ARMH4: variants seen among roughly 807,000 people sequenced by gnomAD.
ARMH4 encodes the protein armadillo like helical domain containing 4, also known as armadillo-like helical domain-containing protein 4.
ARMH4 carries 49 observed loss-of-function variants against 61.9 expected under a neutral mutation model. The ratio of observed to expected loss-of-function variants is 0.79; its 90% CI spans 0.63 to 1.00. The LOEUF (loss-of-function observed/expected upper bound fraction) is 1.00, where lower values mean the gene tolerates loss of function less well. ARMH4 is among the 50% of genes least tolerant of loss of function. ARMH4 has a pLI of 0.00. For missense variants in ARMH4, 934 were observed against 930.0 expected, an observed-to-expected ratio of 1.00 and a Z score of -0.06; for synonymous variants, 368 against 341.5, an observed-to-expected ratio of 1.08 and a Z score of -0.85.
At chr14:58,031,426 CA>C (rs1306266455) in intron 5 of ARMH4, among the ~76,000 whole-genome samples, 1 of 152,164 alleles carries the variant, frequency 6.6e-6, no homozygotes, top group East Asian at 1.9e-4. Context: ...GCAATATAAT[CA>C]TGTACATTAT....
At chr14:58,113,227 G>T (rs897759750) in intron 4 of ARMH4, among the ~76,000 whole-genome samples, 1 of 152,126 alleles carries the variant, frequency 6.6e-6, no homozygotes, top group African/African-American at 2.4e-5. Flanking sequence ...ATTATATTGT[G>T]TGCATTTCTT....
intron 4 of ARMH4, among the ~76,000 whole-genome samples, chr14:58,108,464 T>C (rs961543005): frequency 9.8e-5 from 15 of 152,348 alleles, no homozygotes; most frequent in African/African-American, 3.6e-4. Flanking sequence ...AACATCCTTC[T>C]TCCCCTTAAA....
chr14:58,119,274 G>A (rs927964027), intron 4 of ARMH4, among the ~76,000 whole-genome samples: 5 of 152,134 alleles, frequency 3.3e-5, no homozygotes, highest in Admixed American at 6.6e-5. Flanking sequence ...AAACAACTTC[G>A]TGGTTATGAA....
intron 5 of ARMH4, among the ~76,000 whole-genome samples, chr14:58,064,937 C>G (rs528743397): frequency 6.6e-6 from 1 of 152,110 alleles, no homozygotes; most frequent in South Asian, 2.1e-4. Context: ...ACAAGTCAAA[C>G]GATGCCATTG....
chr14:58,085,539 C>T (rs1392585674), intron 5 of ARMH4, among the ~76,000 whole-genome samples: 1 of 152,008 alleles, frequency 6.6e-6, no homozygotes, highest in African/African-American at 2.4e-5. Context: ...TGGATTAGTT[C>T]CAAGTCTCCT....
At chr14:58,099,436 C>A (rs1885879422) in intron 4 of ARMH4, among the ~76,000 whole-genome samples, 1 of 152,142 alleles carries the variant, frequency 6.6e-6, no homozygotes, top group Non-Finnish European at 1.5e-5. Context: ...GAAAGCGTCT[C>A]CAAGGGCCCG....
chr14:58,095,674 A>C (rs1430873598), intron 5 of ARMH4, among the ~76,000 whole-genome samples: 1 of 152,172 alleles, frequency 6.6e-6, no homozygotes, highest in East Asian at 1.9e-4. Context: ...TCCTTCCTAT[A>C]GCATATTACA....
At chr14:58,107,756 T>C (rs1240003697) in intron 4 of ARMH4, among the ~76,000 whole-genome samples, 1 of 92,672 alleles carries the variant, frequency 1.1e-5, no homozygotes, top group Non-Finnish European at 2.1e-5. Context: ...AGAGCAAGAC[T>C]CCATCTCAAA....
At chr14:58,082,479 G>A (rs1885259594) in intron 5 of ARMH4, among the ~76,000 whole-genome samples, 1 of 152,306 alleles carries the variant, frequency 6.6e-6, no homozygotes. Context: ...TTGAAGCTCA[G>A]AGAAGTTAAA....
At chr14:58,093,936 A>T (rs1021624230) in intron 5 of ARMH4, among the ~76,000 whole-genome samples, 1 of 152,208 alleles carries the variant, frequency 6.6e-6, no homozygotes, top group African/African-American at 2.4e-5. Context: ...AGAAATAGTA[A>T]ATAATAAGAA....
chr14:58,113,080 T>C (rs143052680), intron 4 of ARMH4, among the ~76,000 whole-genome samples: 1 of 152,318 alleles, frequency 6.6e-6, no homozygotes, highest in Non-Finnish European at 1.5e-5. Flanking sequence ...ACAACCCATA[T>C]TCTTTTTTAA....
chr14:58,095,713 A>G (rs1242514006), intron 5 of ARMH4, among the ~76,000 whole-genome samples: 3 of 152,182 alleles, frequency 2.0e-5, no homozygotes, highest in Non-Finnish European at 2.9e-5. Context: ...TGTCAACTAC[A>G]ACCTGTATGC....
chr14:58,084,760 G>A (rs192151244), intron 5 of ARMH4, among the ~76,000 whole-genome samples: 3 of 152,280 alleles, frequency 2.0e-5, no homozygotes, highest in Admixed American at 2.0e-4. Flanking sequence ...TAATCTGTTT[G>A]TAAAGTTTAT....
At chr14:58,005,383 T>C (rs1208382939) in intron 6 of ARMH4, among the ~76,000 whole-genome samples, 1 of 152,178 alleles carries the variant, frequency 6.6e-6, no homozygotes, top group African/African-American at 2.4e-5. Flanking sequence ...TTTGGGGATA[T>C]TTCAAATACA....
At chr14:58,065,232 C>A (rs571738363) in intron 5 of ARMH4, among the ~76,000 whole-genome samples, 78 of 152,218 alleles carry the variant, frequency 5.1e-4, no homozygotes, top group Non-Finnish European at 8.4e-4. Flanking sequence ...CAGAGTGAGA[C>A]TCCATCTTAA....
chr14:58,133,422 T>TG, intron 2 of ARMH4, 81 bp from the exon 3 acceptor site: 4 of 1,212,498 alleles, frequency 3.3e-6, no homozygotes, highest in Non-Finnish European at 4.5e-6. Context: ...ATTAAAAACT[T>TG]GGGGGGAGGG....
At chr14:58,099,506 C>T (rs866478077) in intron 4 of ARMH4, among the ~76,000 whole-genome samples, 10 of 152,172 alleles carry the variant, frequency 6.6e-5, no homozygotes, top group Middle Eastern at 3.4e-3. Context: ...GGGACCTTGA[C>T]AAAAGTTGTT....
At chr14:58,098,155 G>C (rs1885822574) in intron 4 of ARMH4, among the ~76,000 whole-genome samples, 1 of 152,104 alleles carries the variant, frequency 6.6e-6, no homozygotes, top group Non-Finnish European at 1.5e-5. Flanking sequence ...CCCAAGAATT[G>C]TGAGACTCTC....
At chr14:58,097,323 A>G (rs1885786518) in intron 4 of ARMH4, among the ~76,000 whole-genome samples, 1 of 152,232 alleles carries the variant, frequency 6.6e-6, no homozygotes, top group Admixed American at 6.5e-5. Context: ...AAAGTTTATC[A>G]GTTAGCACAC....
Sources: gnomAD v4.1 joint callset for allele counts (sites outside exome capture counted in the v4.1 genomes callset) on GRCh38, gnomAD v4.1.1 for gene constraint, MANE v1.5 for transcripts, NCBI Gene and HGNC (gene_info 2026-07-23, HGNC 2026-07-21) for gene names.